The following POLR3B variants were observed in gnomAD, a reference collection of about 807,000 sequenced individuals.
The protein encoded by POLR3B is RNA polymerase III subunit B, also known as DNA-directed RNA polymerase III subunit RPC2.
POLR3B carries 96 observed loss-of-function variants against 147.4 expected under a neutral mutation model. The ratio of observed to expected loss-of-function variants is 0.65; its 90% CI spans 0.55 to 0.77. The LOEUF is 0.77. Among genes scored for constraint, POLR3B ranks in the 30% least tolerant of loss-of-function variants. The pLI is 0.00. For synonymous variants in POLR3B, 461 were observed against 485.9 expected (o/e 0.95, Z 0.67); for missense variants, 1,036 against 1,413.5 (o/e 0.73, Z 4.28).
At chr12:106,477,636 T>C (rs1000180456) in intron 23 of POLR3B, among the ~76,000 whole-genome samples, 11 of 152,154 alleles carry the variant, frequency 7.2e-5, no homozygotes, top group African/African-American at 1.7e-4. Context: ...TCCAGGTGCG[T>C]CCGTCACCCC....
intron 9 of POLR3B, among the ~76,000 whole-genome samples, chr12:106,387,347 C>T (rs867347552): frequency 6.6e-6 from 1 of 152,064 alleles, no homozygotes. Flanking sequence ...GGCATTTAGG[C>T]GTCATTTTTT....
At chr12:106,382,332 AATG>A in intron 9 of POLR3B, among the ~76,000 whole-genome samples, 1 of 152,320 alleles carries the variant, frequency 6.6e-6, no homozygotes, top group African/African-American at 2.4e-5. Context: ...GCTGAATAGG[AATG>A]ATGATATTCC....
Position 106,500,315 on chromosome 12 carries a change from C to T in POLR3B, c.2985-1008C>T. 3 of 372,194 alleles carry T rather than the reference C, an allele frequency of 8.1e-6. 1 individual carries two copies. The highest frequency in any genetic ancestry group is 6.3e-5 in the South Asian group (3 of 47,616). 23.1% of individuals were successfully genotyped at this position (372,194 alleles called of 1,614,324 possible). Reference sequence around the variant, plus strand: ...CTTATATATTCACCCTCTTCTTAAACTCTTACTACAGACTTTCTAAAGATT... The same window carrying T: ...CTTATATATTCACCCTCTTCTTAAATTCTTACTACAGACTTTCTAAAGATT... On this transcript the variant is annotated intron_variant, in intron 25 of 27. Coordinates refer to ENST00000228347, the MANE Select transcript of POLR3B (RefSeq NM_018082.6).
chr12:106,422,061 T>C (rs1269405019), intron 12 of POLR3B, among the ~76,000 whole-genome samples: 1 of 152,178 alleles, frequency 6.6e-6, no homozygotes, highest in Non-Finnish European at 1.5e-5. Context: ...TTTGTCAACT[T>C]ATCTAACTTT....
Position 106,374,102 on chromosome 12 carries a change from A to G in POLR3B, c.405-2257A>G, listed in dbSNP as rs12296777. On this transcript the variant is annotated intron_variant, in intron 6 of 27. Coordinates refer to ENST00000228347, the MANE Select transcript of POLR3B (RefSeq NM_018082.6). ...TGCATACTTAACAAAGTTTGAAAAT[A>G]AAAAATACCTTTATTCTCTTCCTGG... Among the ~76,000 whole-genome samples, 529 of 152,320 alleles carry G rather than the reference A, an allele frequency of 3.5e-3. 2 individuals are homozygous for G. Among genetic ancestry groups the G allele is most frequent in the African/African-American group, 0.011 (465 of 41,566 alleles).
intron 23 of POLR3B, among the ~76,000 whole-genome samples, chr12:106,490,419 T>TA (rs1230521288): frequency 6.6e-6 from 1 of 152,226 alleles, no homozygotes; most frequent in Non-Finnish European, 1.5e-5. Context: ...GTGTAAAAAC[T>TA]GTATTGTCTT....
intron 2 of POLR3B, 28 bp downstream of exon 2, chr12:106,363,930 G>C: frequency 6.5e-7 from 1 of 1,534,480 alleles, no homozygotes; most frequent in Non-Finnish European, 9.0e-7. Context: ...AATAATAATT[G>C]GTTATTTTTC....
At chr12:106,359,971 C>T (rs2036445746) in intron 1 of POLR3B, among the ~76,000 whole-genome samples, 1 of 152,204 alleles carries the variant, frequency 6.6e-6, no homozygotes, top group Non-Finnish European at 1.5e-5. Flanking sequence ...ATGAAGTGAA[C>T]AGTGCTATAA....
At chr12:106,481,239 T>G (rs894990936) in intron 23 of POLR3B, among the ~76,000 whole-genome samples, 1 of 152,174 alleles carries the variant, frequency 6.6e-6, no homozygotes, top group South Asian at 2.1e-4. Flanking sequence ...TGACTGACAC[T>G]GGCTGCTGTG....
At position 106,437,120 on chromosome 12, in the gene POLR3B, C is replaced by G; in HGVS notation, c.1845C>G (p.Ala615=). ...CAAATAAACATATGGAAGAGCTGGC[C>G]CAAGGGTACAGGTAAGTAGCCAAAA... The part of the protein sequence containing the change: ...AVTNKHMEEL[A]QGYRNFEDFL... The change falls in exon 17 of 28, where the codon GCC becomes GCG. Residue 615 remains alanine, a synonymous_variant. Coordinates refer to ENST00000228347, the MANE Select transcript of POLR3B (RefSeq NM_018082.6). 1 of 1,612,310 alleles carries G rather than the reference C, an allele frequency of 6.2e-7. No homozygotes were observed. The highest frequency in any genetic ancestry group is 8.5e-7 in the Non-Finnish European group (1 of 1,178,934).
intron 11 of POLR3B, among the ~76,000 whole-genome samples, chr12:106,409,275 T>G (rs999936149): frequency 2.0e-5 from 3 of 151,594 alleles, no homozygotes; most frequent in Non-Finnish European, 4.4e-5. Flanking sequence ...AAATGTAAAT[T>G]ACTTATAGCT....
chr12:106,429,053 A>G (rs1593036332), intron 13 of POLR3B, among the ~76,000 whole-genome samples: 1 of 152,354 alleles, frequency 6.6e-6, no homozygotes, highest in East Asian at 1.9e-4. Flanking sequence ...CATTTTTCTC[A>G]AGAGAACATT....
intron 1 of POLR3B, among the ~76,000 whole-genome samples, chr12:106,362,945 C>T (rs545016802): frequency 6.6e-5 from 10 of 152,060 alleles, no homozygotes; most frequent in African/African-American, 2.4e-4. Flanking sequence ...TTCAGTCTAT[C>T]CCCCCAAGCA....
chr12:106,445,228 T>G (rs117717466), intron 19 of POLR3B, among the ~76,000 whole-genome samples: 2 of 152,328 alleles, frequency 1.3e-5, no homozygotes, highest in East Asian at 1.9e-4. Context: ...AATAGAGAGA[T>G]GAGGCAGAGC....
intron 5 of POLR3B, 111 bp from the exon 6 acceptor site, chr12:106,369,472 G>A: frequency 1.0e-6 from 1 of 965,200 alleles, no homozygotes; most frequent in Non-Finnish European, 1.7e-6. Flanking sequence ...GAGAAAAAGG[G>A]ATTAAAGTTC....
intron 6 of POLR3B, among the ~76,000 whole-genome samples, chr12:106,375,484 C>T (rs1441718642): frequency 1.3e-5 from 2 of 152,278 alleles, no homozygotes; most frequent in South Asian, 2.1e-4. Context: ...CTATCCTTCC[C>T]TGACTCTTAA....
chr12:106,370,453 GA>G (rs1479005822), intron 6 of POLR3B, among the ~76,000 whole-genome samples: 3 of 152,110 alleles, frequency 2.0e-5, no homozygotes, highest in Admixed American at 6.5e-5. Flanking sequence ...AAGGGGTCTA[GA>G]AGTCCAGATT....
At chr12:106,495,405 A>G (rs2038464014) in intron 23 of POLR3B, among the ~76,000 whole-genome samples, 1 of 152,178 alleles carries the variant, frequency 6.6e-6, no homozygotes, top group South Asian at 2.1e-4. Flanking sequence ...TACAAGTTCA[A>G]TCAAAGATCA....
In POLR3B at chr12:106,504,406, A is replaced by G. The variant is rs2038652558; in HGVS notation, c.3272+152A>G. The G allele has an allele frequency of 1.4e-6, 1 of 729,034 alleles. No individual in the cohort carries two copies. Among genetic ancestry groups the G allele is most frequent in the Non-Finnish European group, 2.5e-6 (1 of 402,982 alleles). 45.2% of individuals were successfully genotyped at this position (729,034 alleles called of 1,614,324 possible). A position where few individuals can be genotyped will look rare whatever the true frequency, so the allele number is the denominator to read the frequency against. ...CATGCATGTATTCCTGTCATTGGGG[A>G]TACTCTGTGTACATGTCTCATTTGT... is the stretch of plus-strand genomic sequence containing the variant. On this transcript the variant is annotated intron_variant, in intron 27 of 27. Coordinates refer to ENST00000228347, the MANE Select transcript of POLR3B (RefSeq NM_018082.6). This position sits in a 1 kb window ranked among gnomAD's most constrained non-coding sequence, Gnocchi z 4.6.
Sources: allele counts gnomAD v4.1 joint callset (sites outside exome capture counted in the v4.1 genomes callset), GRCh38; gene constraint gnomAD v4.1.1; non-coding constraint Gnocchi (gnomAD v3.1); transcripts MANE v1.5; gene names NCBI Gene and HGNC (gene_info 2026-07-23, HGNC 2026-07-21).